The following SGIP1 variants were observed in gnomAD, a reference collection of about 807,000 sequenced individuals.
The protein encoded by SGIP1 is SH3GL interacting endocytic adaptor 1.
Under a neutral mutation model 107.5 loss-of-function variants are expected in SGIP1, and 38 were observed. The ratio of observed to expected loss-of-function variants is 0.35; its 90% CI spans 0.27 to 0.46. The LOEUF (loss-of-function observed/expected upper bound fraction) is 0.46. Among genes scored for constraint, SGIP1 ranks in the 20% least tolerant of loss-of-function variants. SGIP1 has a pLI of 1.00. For missense variants in SGIP1, 929 were observed against 1,019.5 expected (o/e 0.91, Z 1.21); for synonymous variants, 365 against 366.1 (o/e 1.00, Z 0.03).
rs116943948 is a variant in SGIP1 at position 66,635,015 on chromosome 1, C to T, written c.100-929C>T. ...GGCTGATATAGCTTTCAAATTATTG[C>T]CTTTTGAATGTCAAGTGTTGAAATG... On this transcript the variant is annotated intron_variant, in intron 3 of 24. Coordinates refer to ENST00000371037, the MANE Select transcript of SGIP1 (RefSeq NM_032291.4). Among the ~76,000 whole-genome samples, 17 of 152,302 alleles carry T rather than the reference C, an allele frequency of 1.1e-4. No homozygotes were observed. In the East Asian group the frequency reaches 2.9e-3, roughly 26 times the overall value.
At chr1:66,671,827 A>G (rs2083893997) in intron 10 of SGIP1, 117 bp from the exon 11 acceptor site, 3 of 938,028 alleles carry the variant, frequency 3.2e-6, no homozygotes, top group Non-Finnish European at 5.0e-6. Flanking sequence ...CAAAGTTTTC[A>G]TACTGAGTTG....
At chr1:66,608,571 TGTTCTGCTTC>T in intron 1 of SGIP1, among the ~76,000 whole-genome samples, 2 of 152,362 alleles carry the variant, frequency 1.3e-5, no homozygotes, top group African/African-American at 4.8e-5. Context: ...CAGACACTGT[TGTTCTGCTTC>T]GGGCTGCTGG....
At chr1:66,566,995 G>C (rs899780548) in intron 1 of SGIP1, among the ~76,000 whole-genome samples, 2 of 152,044 alleles carry the variant, frequency 1.3e-5, no homozygotes, top group Non-Finnish European at 2.9e-5. Flanking sequence ...GTTTGCTGAG[G>C]ATGATGGCTC....
intron 3 of SGIP1, chr1:66,634,030 A>G (rs777200567): frequency 3.1e-5 from 46 of 1,478,470 alleles, no homozygotes; most frequent in Non-Finnish European, 4.2e-5. Context: ...AAGAAAATAG[A>G]CTGAAATTGA....
At chr1:66,639,183 T>C (rs1333493990) in intron 4 of SGIP1, among the ~76,000 whole-genome samples, 2 of 152,234 alleles carry the variant, frequency 1.3e-5, no homozygotes, top group African/African-American at 4.8e-5. Context: ...CCTCAAATTC[T>C]ATTTTTAAAA....
At chr1:66,659,435 G>A (rs2080436871) in intron 7 of SGIP1, among the ~76,000 whole-genome samples, 1 of 152,188 alleles carries the variant, frequency 6.6e-6, no homozygotes, top group Admixed American at 6.5e-5. Context: ...TGGTGACTTG[G>A]GAGATGATAG....
chr1:66,636,398 A>G (rs2075787227), intron 4 of SGIP1, among the ~76,000 whole-genome samples: 1 of 152,230 alleles, frequency 6.6e-6, no homozygotes, highest in Non-Finnish European at 1.5e-5. Flanking sequence ...TAACATCAGG[A>G]ATTTGGCAGA....
At chr1:66,557,823 A>T (rs1041296903) in intron 1 of SGIP1, among the ~76,000 whole-genome samples, 1 of 152,158 alleles carries the variant, frequency 6.6e-6, no homozygotes, top group Non-Finnish European at 1.5e-5. Flanking sequence ...TTTTGTTAGA[A>T]GTGGAAATGC....
At chr1:66,598,456 AC>A (rs1303023396) in intron 1 of SGIP1, among the ~76,000 whole-genome samples, 2 of 152,130 alleles carry the variant, frequency 1.3e-5, no homozygotes, top group East Asian at 1.9e-4. Flanking sequence ...CACACTTTCA[AC>A]CTCTGGCCAC....
At chr1:66,663,992 C>G (rs917492024) in intron 8 of SGIP1, among the ~76,000 whole-genome samples, 3 of 152,130 alleles carry the variant, frequency 2.0e-5, no homozygotes, top group African/African-American at 7.2e-5. Context: ...TGCTTGCAAT[C>G]TAGACTCTAT....
intron 7 of SGIP1, among the ~76,000 whole-genome samples, chr1:66,659,953 AG>A (rs777064458): frequency 0.03 from 470 of 15,534 alleles, 49 homozygotes; most frequent in East Asian, 0.15. Context: ...AGAAAGAAAA[AG>A]AAAGAAAGAA....
chr1:66,555,218 C>G (rs551545235), intron 1 of SGIP1, among the ~76,000 whole-genome samples: 1 of 152,168 alleles, frequency 6.6e-6, no homozygotes, highest in Non-Finnish European at 1.5e-5. Context: ...TGTGTGCCCT[C>G]CTCATATACA....
intron 17 of SGIP1, among the ~76,000 whole-genome samples, chr1:66,692,546 T>C (rs542977069): frequency 6.6e-6 from 1 of 152,320 alleles, no homozygotes; most frequent in South Asian, 2.1e-4. Flanking sequence ...TGCACTGCTC[T>C]TCCTCTCCAG....
intron 1 of SGIP1, among the ~76,000 whole-genome samples, chr1:66,586,597 T>C (rs2062657017): frequency 6.6e-6 from 1 of 152,180 alleles, no homozygotes; most frequent in Non-Finnish European, 1.5e-5. Context: ...CTTTCCTTTA[T>C]GCCCTTTAAT....
chr1:66,697,301 T>C (rs542148019), intron 18 of SGIP1, among the ~76,000 whole-genome samples: 1 of 152,328 alleles, frequency 6.6e-6, no homozygotes, highest in African/African-American at 2.4e-5. Flanking sequence ...TATGAAAATA[T>C]ATTTGTCAGT....
At chr1:66,610,048 A>G (rs2067648062) in intron 1 of SGIP1, among the ~76,000 whole-genome samples, 1 of 152,208 alleles carries the variant, frequency 6.6e-6, no homozygotes, top group South Asian at 2.1e-4. Context: ...GCTGAGCCAA[A>G]TTTCAGCTAA....
In SGIP1 at chr1:66,551,829, G is replaced by A. The variant is rs549806229; in HGVS notation, c.10+17461G>A. Reference sequence around the variant, plus strand: ...TATATAAGGCACCTGCCTCCAACGTGTGCAGAAGTCCAAGATTGTAGATTC... The same window carrying A: ...TATATAAGGCACCTGCCTCCAACGTATGCAGAAGTCCAAGATTGTAGATTC... On this transcript the variant is annotated intron_variant, in intron 1 of 24. Coordinates refer to ENST00000371037, the MANE Select transcript of SGIP1 (RefSeq NM_032291.4). 2.0e-5 allele frequency among the ~76,000 whole-genome samples: 3 copies of A among 152,276 alleles called. No individual in the cohort carries two copies. In the East Asian group the frequency reaches 5.8e-4, roughly 29 times the overall value.
intron 1 of SGIP1, among the ~76,000 whole-genome samples, chr1:66,593,955 T>C (rs1243873903): frequency 1.3e-5 from 2 of 152,160 alleles, no homozygotes; most frequent in Non-Finnish European, 2.9e-5. Context: ...GAACACATAT[T>C]CCGATTAGCA....
At chr1:66,581,177 C>T (rs1248589612) in intron 1 of SGIP1, among the ~76,000 whole-genome samples, 1 of 152,056 alleles carries the variant, frequency 6.6e-6, no homozygotes, top group Non-Finnish European at 1.5e-5. Context: ...GACCAATAAA[C>T]CCAGTCTGTT....
Sources: allele counts gnomAD v4.1 joint callset (sites outside exome capture counted in the v4.1 genomes callset), GRCh38; gene constraint gnomAD v4.1.1; transcripts MANE v1.5; gene names NCBI Gene and HGNC (gene_info 2026-07-23, HGNC 2026-07-21).